The following NRG1 variants were observed in gnomAD, a reference collection of about 807,000 sequenced individuals.
NRG1 encodes the protein pro-neuregulin-1, membrane-bound isoform.
NRG1 carries 18 observed loss-of-function variants against 63.8 expected under a neutral mutation model. That is an observed-to-expected ratio of 0.28 (90% CI 0.19 to 0.42). The LOEUF is 0.42. NRG1 is among the 10% of genes least tolerant of loss of function. NRG1 has a pLI of 1.00. For synonymous variants in NRG1, 302 were observed against 301.3 expected, an observed-to-expected ratio of 1.00 and a Z score of -0.02; for missense variants, 762 against 814.7, an observed-to-expected ratio of 0.94 and a Z score of 0.79.
chr8:31,762,301 T>C (rs1817640591), intron 1 of NRG1, among the ~76,000 whole-genome samples: 1 of 152,140 alleles, frequency 6.6e-6, no homozygotes, highest in South Asian at 2.1e-4. Flanking sequence ...TGGTGTCTGG[T>C]TTTCTGTTCC....
chr8:32,366,645 A>AAT (rs1291313626), intron 1 of NRG1, among the ~76,000 whole-genome samples: 3 of 132,498 alleles, frequency 2.3e-5, no homozygotes, highest in Admixed American at 7.6e-5. Flanking sequence ...ACATATATGT[A>AAT]ATATATATTG....
At chr8:32,711,018 T>C (rs141876158) in intron 5 of NRG1, among the ~76,000 whole-genome samples, 79 of 152,248 alleles carry the variant, frequency 5.2e-4, no homozygotes, top group African/African-American at 1.9e-3. Context: ...CATAGAGAAA[T>C]ATTCAGATGT....
intron 5 of NRG1, among the ~76,000 whole-genome samples, chr8:32,689,497 T>C (rs1293857729): frequency 6.6e-6 from 1 of 152,172 alleles, no homozygotes; most frequent in Non-Finnish European, 1.5e-5. Context: ...AATATTTACC[T>C]TTTATATTCT....
At chr8:32,485,987 G>T (rs1423832763) in intron 1 of NRG1, among the ~76,000 whole-genome samples, 3 of 152,046 alleles carry the variant, frequency 2.0e-5, no homozygotes, top group African/African-American at 7.2e-5. Flanking sequence ...GAGTGCAATG[G>T]AGTGATCTCA....
At chr8:31,979,302 A>G (rs945565790) in intron 1 of NRG1, among the ~76,000 whole-genome samples, 2 of 152,096 alleles carry the variant, frequency 1.3e-5, no homozygotes, top group Non-Finnish European at 2.9e-5. Flanking sequence ...GCATTTTCTA[A>G]CCATGTCTTC....
chr8:32,536,922 C>CAAAAAAAAAAAAAA (rs35265022), intron 1 of NRG1, among the ~76,000 whole-genome samples: 1 of 35,912 alleles, frequency 2.8e-5, no homozygotes, highest in African/African-American at 1.5e-4. Context: ...GACTCCGTCT[C>CAAAAAAAAAAAAAA]AAAAAAAAAA....
chr8:32,068,653 A>G (rs550351323), intron 1 of NRG1, among the ~76,000 whole-genome samples: 1 of 152,276 alleles, frequency 6.6e-6, no homozygotes, highest in Admixed American at 6.5e-5. Flanking sequence ...TAAAAGAAAA[A>G]GTCCTCTACA....
At chr8:32,756,224 T>C (rs1434365906) in intron 8 of NRG1, among the ~76,000 whole-genome samples, 179 bp from the exon 9 acceptor site, 1 of 152,166 alleles carries the variant, frequency 6.6e-6, no homozygotes, top group Non-Finnish European at 1.5e-5. Context: ...TTAAAATCTG[T>C]TTGGTAAGGA....
At chr8:32,233,509 G>GAC (rs1434048649) in intron 1 of NRG1, among the ~76,000 whole-genome samples, 1 of 142,934 alleles carries the variant, frequency 7.0e-6, no homozygotes, top group Non-Finnish European at 1.5e-5. Context: ...GGGATAAAGT[G>GAC]ACACACTGTT....
chr8:31,947,262 T>TGCAGTCC (rs1226252246), intron 1 of NRG1, among the ~76,000 whole-genome samples: 1 of 146,586 alleles, frequency 6.8e-6, no homozygotes, highest in African/African-American at 2.6e-5. Context: ...ATTGCGCCAC[T>TGCAGTCC]GCAGTCCGCA....
chr8:32,149,318 T>C (rs533858431), intron 1 of NRG1, among the ~76,000 whole-genome samples: 1 of 152,320 alleles, frequency 6.6e-6, no homozygotes, highest in Non-Finnish European at 1.5e-5. Context: ...TTCTTTCCCA[T>C]CTTAGTTGGC....
chr8:32,046,467 A>T (rs1563721222), intron 1 of NRG1, among the ~76,000 whole-genome samples: 1 of 152,030 alleles, frequency 6.6e-6, no homozygotes, highest in Non-Finnish European at 1.5e-5. Flanking sequence ...AGCAAACTTT[A>T]AATTTATGTT....
chr8:32,265,122 G>A (rs988227752), intron 1 of NRG1, among the ~76,000 whole-genome samples: 2 of 152,128 alleles, frequency 1.3e-5, no homozygotes, highest in African/African-American at 4.8e-5. Flanking sequence ...AGGATTGCTT[G>A]TGTCCAGGAG....
At chr8:31,746,032 C>T (rs1459396687) in intron 1 of NRG1, among the ~76,000 whole-genome samples, 1 of 151,798 alleles carries the variant, frequency 6.6e-6, no homozygotes, top group Non-Finnish European at 1.5e-5. Context: ...CTGTATCCCT[C>T]TTACTTTGAC....
intron 1 of NRG1, among the ~76,000 whole-genome samples, chr8:32,476,931 C>G (rs1824592156): frequency 2.0e-5 from 3 of 152,138 alleles, no homozygotes; most frequent in Admixed American, 2.0e-4. Context: ...TTGGGAAACA[C>G]TAAGTTCTTA....
Position 32,617,887 on chromosome 8 carries a change from G to T in NRG1, c.502+1002G>T, listed in dbSNP as rs1202810221. Among the ~76,000 whole-genome samples, 3 of 152,110 alleles carry T rather than the reference G, an allele frequency of 2.0e-5. 1 individual carries two copies. Among genetic ancestry groups the T allele is most frequent in the Non-Finnish European group, 4.4e-5 (3 of 68,026 alleles). The stretch of plus-strand genomic sequence containing the variant: ...TGTTACAGCCTTTCCCTCCAGGTTG[G>T]TGATACTAGAACTGTAACTATATGG... On this transcript the variant is annotated intron_variant, in intron 5 of 11. Transcript: ENST00000356819.
At chr8:32,268,499 G>T (rs1851218907) in intron 1 of NRG1, among the ~76,000 whole-genome samples, 1 of 152,034 alleles carries the variant, frequency 6.6e-6, no homozygotes, top group Admixed American at 6.6e-5. Context: ...TCAGGATCTG[G>T]GTATTAAAAA....
At chr8:31,888,626 T>C (rs965201750) in intron 1 of NRG1, among the ~76,000 whole-genome samples, 1 of 151,566 alleles carries the variant, frequency 6.6e-6, no homozygotes, top group African/African-American at 2.4e-5. Context: ...CCATTTAACT[T>C]CCAAATATTT....
chr8:32,233,482 A>T (rs897848342), intron 1 of NRG1, among the ~76,000 whole-genome samples: 2 of 149,070 alleles, frequency 1.3e-5, no homozygotes, highest in Non-Finnish European at 3.0e-5. Context: ...CAAATATATT[A>T]TGGCAACATC....
Sources: gnomAD v4.1 joint callset for allele counts (sites outside exome capture counted in the v4.1 genomes callset) on GRCh38, gnomAD v4.1.1 for gene constraint, MANE v1.5 for transcripts, NCBI Gene and HGNC (gene_info 2026-07-23, HGNC 2026-07-21) for gene names.